Variants in ARIH1 observed in about 807,000 individuals in gnomAD.
ARIH1 encodes E3 ubiquitin-protein ligase ARIH1.
A neutral mutation model predicts 85.0 loss-of-function variants in ARIH1; 8 were observed. That is an observed-to-expected ratio of 0.09 (90% CI 0.06 to 0.17). The LOEUF (loss-of-function observed/expected upper bound fraction) is 0.17, where lower values mean the gene tolerates loss of function less well. ARIH1 is among the 10% of genes least tolerant of loss of function. The pLI is 1.00. For synonymous variants in ARIH1, 238 were observed against 253.6 expected (o/e 0.94, Z 0.59); for missense variants, 311 against 718.1 (o/e 0.43, Z 6.48).
chr15:72,573,206 T>A (rs1238089568), intron 11 of ARIH1, among the ~76,000 whole-genome samples: 2 of 152,208 alleles, frequency 1.3e-5, no homozygotes, highest in African/African-American at 4.8e-5. Flanking sequence ...AATGAGTATA[T>A]ATGTAACCTA....
intron 2 of ARIH1, among the ~76,000 whole-genome samples, chr15:72,543,941 C>T (rs2140423510): frequency 6.6e-6 from 1 of 151,526 alleles, no homozygotes; most frequent in East Asian, 1.9e-4. Flanking sequence ...TAATTGGAAA[C>T]ATTGTGCTAA....
intron 2 of ARIH1, among the ~76,000 whole-genome samples, chr15:72,526,615 T>G (rs1363396812): frequency 6.6e-6 from 1 of 152,098 alleles, no homozygotes; most frequent in Non-Finnish European, 1.5e-5. Flanking sequence ...CCTGCAGTGC[T>G]GCCTACCAGA....
chr15:72,524,246 CTT>C (rs1004313275), intron 2 of ARIH1, among the ~76,000 whole-genome samples: 9 of 123,828 alleles, frequency 7.3e-5, no homozygotes, highest in Admixed American at 1.7e-4. Flanking sequence ...TGTGCCCGGC[CTT>C]TTTTTTTTTT....
intron 3 of ARIH1, among the ~76,000 whole-genome samples, chr15:72,548,840 A>G (rs906201686): frequency 6.6e-6 from 1 of 152,084 alleles, no homozygotes; most frequent in African/African-American, 2.4e-5. Context: ...CCAGAAAGCA[A>G]TTTTTGCTTT....
rs141040860 is a variant in ARIH1 at position 72,504,459 on chromosome 15, A to G, written c.376-13608A>G. 1.3e-3 allele frequency among the ~76,000 whole-genome samples: 196 copies of G among 152,190 alleles called. 1 individual carries two copies. Among genetic ancestry groups the G allele is most frequent in the African/African-American group, 4.5e-3 (187 of 41,518 alleles). On this transcript the variant is annotated intron_variant, in intron 1 of 13. Transcript: ENST00000379887. The stretch of plus-strand genomic sequence containing the variant: ...CGCTTGAAGGATGGTGGAGGCGGAT[A>G]ATTTTCTTTAGTGATGAAAATGGCT...
intron 7 of ARIH1, 59 bp downstream of exon 7, chr15:72,563,559 T>C: frequency 2.1e-6 from 3 of 1,418,182 alleles, no homozygotes; most frequent in Non-Finnish European, 3.0e-6. Context: ...TTCTCCTGTT[T>C]ATTCTTGGTA....
At chr15:72,483,266 T>A (rs2140391839) in intron 1 of ARIH1, among the ~76,000 whole-genome samples, 1 of 152,334 alleles carries the variant, frequency 6.6e-6, no homozygotes, top group South Asian at 2.1e-4. Context: ...TGCCCAGAGA[T>A]ATCAGTTCCT....
intron 3 of ARIH1, among the ~76,000 whole-genome samples, chr15:72,547,219 G>T (rs1170342536): frequency 1.6e-5 from 2 of 123,004 alleles, no homozygotes; most frequent in African/African-American, 5.7e-5. Context: ...GAGCCACCGC[G>T]CCTGGCCTCT....
intron 1 of ARIH1, among the ~76,000 whole-genome samples, chr15:72,495,768 A>G (rs1307275417): frequency 1.4e-5 from 2 of 147,770 alleles, no homozygotes; most frequent in Non-Finnish European, 1.5e-5. Flanking sequence ...AAAACACAAT[A>G]TTTATACTGG....
intron 1 of ARIH1, among the ~76,000 whole-genome samples, chr15:72,514,419 T>C (rs1157499683): frequency 6.6e-6 from 1 of 152,208 alleles, no homozygotes; most frequent in East Asian, 1.9e-4. Flanking sequence ...GTAAACTCTT[T>C]CTTTTTTGAG....
intron 3 of ARIH1, among the ~76,000 whole-genome samples, chr15:72,547,593 G>A (rs750471857): frequency 1.3e-5 from 2 of 152,138 alleles, no homozygotes; most frequent in African/African-American, 2.4e-5. Flanking sequence ...TCCAACCTGA[G>A]TATTGTATCA....
Position 72,582,228 on chromosome 15 carries a change from T to A in ARIH1, c.1589+41T>A, listed in dbSNP as rs753531859. 27 of 1,386,072 alleles carry A rather than the reference T, an allele frequency of 1.9e-5. No homozygotes were observed. The South Asian group carries it at 3.1e-4, about 16-fold the overall frequency. The allele number at this position is 1,386,072 out of a possible 1,614,324, so 85.9% of individuals were successfully genotyped here. On this transcript the variant is annotated intron_variant, in intron 13 of 13. Coordinates refer to ENST00000379887, the MANE Select transcript of ARIH1 (RefSeq NM_005744.5). This position sits in a 1 kb window ranked among gnomAD's most constrained non-coding sequence, Gnocchi z 4.6. Reference sequence around the variant, plus strand: ...GCTGTTGAATAAAACTTTCTGCCAGTGATGATCCTTACTGGTAAAGTTCAG... The same window carrying A: ...GCTGTTGAATAAAACTTTCTGCCAGAGATGATCCTTACTGGTAAAGTTCAG...
intron 2 of ARIH1, among the ~76,000 whole-genome samples, chr15:72,538,858 A>G (rs930205809): frequency 7.2e-5 from 11 of 152,232 alleles, no homozygotes; most frequent in African/African-American, 2.4e-4. Context: ...CTTAAATCCA[A>G]TATTTTTTAA....
chr15:72,559,436 A>C (rs780941336), intron 5 of ARIH1, among the ~76,000 whole-genome samples: 33 of 151,688 alleles, frequency 2.2e-4, no homozygotes, highest in Non-Finnish European at 8.8e-5. Flanking sequence ...TGCTCGGCTA[A>C]TTTTTTTGTA....
chr15:72,516,740 C>T (rs559837046), intron 1 of ARIH1, among the ~76,000 whole-genome samples: 9 of 152,162 alleles, frequency 5.9e-5, no homozygotes, highest in Admixed American at 2.0e-4. Flanking sequence ...ATGGTACTGT[C>T]GAAAACAATT....
At chr15:72,566,664 T>A in intron 8 of ARIH1, 59 bp downstream of exon 8, 1 of 1,409,434 alleles carries the variant, frequency 7.1e-7, no homozygotes, top group Non-Finnish European at 9.9e-7. Flanking sequence ...ACTTAGTGAC[T>A]AAAAATCATA....
chr15:72,552,608 C>T (rs1160904373), intron 3 of ARIH1, among the ~76,000 whole-genome samples: 1 of 151,416 alleles, frequency 6.6e-6, no homozygotes, highest in Non-Finnish European at 1.5e-5. Flanking sequence ...TTTTTTTAAA[C>T]AACAACAACA....
rs537978692 is a variant in ARIH1, at chr15:72,599,760, G to T, written c.*16468G>T. The T allele has an allele frequency of 6.6e-6, 1 of 152,288 alleles. No individual in the cohort carries two copies. The highest frequency in any genetic ancestry group is 2.4e-5 in the African/African-American group (1 of 41,550). 9.4% of individuals were successfully genotyped at this position (152,288 alleles called of 1,614,324 possible). The stretch of plus-strand genomic sequence containing the variant: ...CTGCATAATATGTCTTAATATGGAT[G>T]TATCTTAGTTTATTTAAACAGTTAC... On this transcript the variant is annotated 3_prime_UTR_variant, in exon 14 of 14. Transcript: ENST00000379887.
rs1207537177 is a variant in ARIH1, at chr15:72,599,452, T to C, written c.*16160T>C. ...TCTACTCCCTCCACAGAGACAAATA[T>C]CTTACCAGTTGGTTGTGTTTTCTTT... is the stretch of plus-strand genomic sequence containing the variant. On this transcript the variant is annotated 3_prime_UTR_variant, in exon 14 of 14. Transcript: ENST00000379887. The C allele has an allele frequency of 1.3e-5, 2 of 152,216 alleles. No homozygotes were observed. Among genetic ancestry groups the C allele is most frequent in the East Asian group, 1.9e-4 (1 of 5,204 alleles). The allele number at this position is 152,216 out of a possible 1,614,324, so 9.4% of individuals were successfully genotyped here. A position where few individuals can be genotyped will look rare whatever the true frequency, so the allele number is the denominator to read the frequency against.
Sources: allele counts gnomAD v4.1 joint callset (sites outside exome capture counted in the v4.1 genomes callset), GRCh38; gene constraint gnomAD v4.1.1; non-coding constraint Gnocchi (gnomAD v3.1); transcripts MANE v1.5; gene names NCBI Gene and HGNC (gene_info 2026-07-23, HGNC 2026-07-21).